The following NECTIN3 variants were observed in gnomAD, a reference collection of about 807,000 sequenced individuals.
The protein encoded by NECTIN3 is nectin cell adhesion molecule 3, also known as nectin-3.
A neutral mutation model predicts 49.4 loss-of-function variants in NECTIN3; 8 were observed. The observed-to-expected ratio is 0.16, with a 90% CI of 0.10 to 0.29. The LOEUF (loss-of-function observed/expected upper bound fraction) is 0.29, where lower values mean the gene tolerates loss of function less well. Ranked by LOEUF, NECTIN3 falls within the 10% of genes least tolerant of loss-of-function variation. The pLI is 1.00. For synonymous variants in NECTIN3, 277 were observed against 241.1 expected (o/e 1.15, Z -1.38); for missense variants, 581 against 654.6 (o/e 0.89, Z 1.23).
Position 111,072,716 on chromosome 3 carries a change from C to G in NECTIN3, c.160+539C>G, listed in dbSNP as rs1055830084. The G allele has an allele frequency of 1.3e-5, 11 of 820,490 alleles. No individual in the cohort carries two copies. The South Asian group carries it at 1.9e-4, about 14-fold the overall frequency. 50.8% of individuals were successfully genotyped at this position (820,490 alleles called of 1,614,324 possible). A position where few individuals can be genotyped will look rare whatever the true frequency, so the allele number is the denominator to read the frequency against. ...CTAGTTTTCTTCTGTCTTGTGCCCA[C>G]TCCCCCGGCTCTGCCCTGACAGCTT... On this transcript the variant is annotated intron_variant, in intron 1 of 5. Transcript: ENST00000485303.
In NECTIN3 at chr3:111,135,312, C is replaced by T. The variant is rs114068018; in HGVS notation, c.*1097C>T. On this transcript the variant is annotated 3_prime_UTR_variant, in exon 6 of 6. Coordinates refer to ENST00000485303, the MANE Select transcript of NECTIN3 (RefSeq NM_015480.3). ...CTTGCTAATGGACATTGGCATTCAT[C>T]TCCTTTTTCCTCCTAAGTGTATGTA... The T allele has an allele frequency of 3.8e-4, 365 of 950,002 alleles. 2 individuals are homozygous for T. The African/African-American group carries it at 6.1e-3, about 16-fold the overall frequency. The allele number at this position is 950,002 out of a possible 1,614,324, so 58.8% of individuals were successfully genotyped here.
downstream of NECTIN3, among the ~76,000 whole-genome samples, chr3:111,138,074 C>T (rs2034644296): frequency 6.6e-6 from 1 of 151,450 alleles, no homozygotes; most frequent in Non-Finnish European, 1.5e-5. Context: ...TATATATTGG[C>T]TTTCAATTTG....
chr3:111,171,766 TA>T (rs1188211476), intron 7 of NECTIN3, among the ~76,000 whole-genome samples: 2,855 of 148,624 alleles, frequency 0.019, 89 homozygotes, highest in African/African-American at 0.065. Context: ...CCTGGTAAGT[TA>T]AAAAAAAAAA....
chr3:111,127,896 A>G (rs923719344), intron 5 of NECTIN3, among the ~76,000 whole-genome samples: 2 of 152,162 alleles, frequency 1.3e-5, no homozygotes, highest in Admixed American at 6.5e-5. Context: ...ACATATTAGT[A>G]TATTACTCTC....
In NECTIN3 at chr3:111,134,686, A is replaced by G. The variant is rs758944346; in HGVS notation, c.*471A>G. 22 of 850,020 alleles carry G rather than the reference A, an allele frequency of 2.6e-5. No homozygotes were observed. Among genetic ancestry groups the G allele is most frequent in the African/African-American group, 1.8e-5 (1 of 54,342 alleles). 52.7% of individuals were successfully genotyped at this position (850,020 alleles called of 1,614,324 possible). On this transcript the variant is annotated 3_prime_UTR_variant, in exon 6 of 6. Transcript: ENST00000485303. Reference sequence around the variant, plus strand: ...TATAAAACTAATTCAAGAAATATTTATATATATTTTTTAATATACAAAAAA... The same window carrying G: ...TATAAAACTAATTCAAGAAATATTTGTATATATTTTTTAATATACAAAAAA...
chr3:111,141,533 A>G (rs1056351853), downstream of NECTIN3, among the ~76,000 whole-genome samples: 1 of 151,708 alleles, frequency 6.6e-6, no homozygotes, highest in African/African-American at 2.4e-5. Flanking sequence ...TCTTATATTC[A>G]TTTTTTATTA....
intron 3 of NECTIN3, among the ~76,000 whole-genome samples, chr3:111,121,913 G>C (rs1391058992): frequency 6.6e-6 from 1 of 152,118 alleles, no homozygotes; most frequent in Admixed American, 6.5e-5. Context: ...AGAATTGCCT[G>C]TTTGGGGGGT....
intron 1 of NECTIN3, chr3:111,193,221 T>C (rs2035843652): frequency 6.5e-7 from 1 of 1,535,580 alleles, no homozygotes; most frequent in Admixed American, 2.0e-5. Flanking sequence ...TAGCAGGAGT[T>C]TTGACTATGA....
At chr3:111,111,899 A>ATGTGTGTGTGTGTG in intron 1 of NECTIN3, 131 bp from the exon 2 acceptor site, 2 of 579,968 alleles carry the variant, frequency 3.4e-6, no homozygotes, top group Admixed American at 3.1e-5. Flanking sequence ...GTGTGTGTGC[A>ATGTGTGTGTGTGTG]TGTGTGTGTG....
chr3:111,105,259 C>T (rs2033127479), intron 1 of NECTIN3, among the ~76,000 whole-genome samples: 1 of 151,954 alleles, frequency 6.6e-6, no homozygotes, highest in South Asian at 2.1e-4. Context: ...ACTCCCACCT[C>T]AGCCTCCTGA....
Position 111,100,825 on chromosome 3 carries a change from T to TA in NECTIN3, c.161-11204dup, listed in dbSNP as rs372318951. Among the ~76,000 whole-genome samples the TA allele has an allele frequency of 1.4e-3, 214 of 151,298 alleles. 2 individuals are homozygous for TA. The highest frequency in any genetic ancestry group is 5.2e-3 in the African/African-American group (210 of 40,682). ...GAAAGAGTAGAATCTGAATAATTGT[T>TA]ATGAAAACTCTGTCTCTGCATTTTG... On this transcript the variant is annotated intron_variant, in intron 1 of 5. Transcript: ENST00000485303.
At chr3:111,174,807 C>T (rs2035496578) in intron 7 of NECTIN3, among the ~76,000 whole-genome samples, 1 of 152,072 alleles carries the variant, frequency 6.6e-6, no homozygotes, top group African/African-American at 2.4e-5. Flanking sequence ...CCCTTTTAGC[C>T]CTGCTGTCTG....
chr3:111,162,458 A>T (rs912088553), intron 7 of NECTIN3, among the ~76,000 whole-genome samples: 2 of 152,092 alleles, frequency 1.3e-5, no homozygotes, highest in Non-Finnish European at 2.9e-5. Context: ...GTGAAGAAGG[A>T]TGTGTTTGCT....
Position 111,088,776 on chromosome 3 carries a change from G to C in NECTIN3, c.160+16599G>C, listed in dbSNP as rs535605723. On this transcript the variant is annotated intron_variant, in intron 1 of 5. Transcript: ENST00000485303. ...CCACATATGTTTATGAATTGCATTG[G>C]CCCAAAATTTTTCTTTCTTAAAATG... Among the ~76,000 whole-genome samples, 6 of 152,154 alleles carry C rather than the reference G, an allele frequency of 3.9e-5. No individual in the cohort carries two copies. In the South Asian group the frequency reaches 1.2e-3, roughly 32 times the overall value.
At chr3:111,154,444 CA>C (rs1398898808) in intron 7 of NECTIN3, among the ~76,000 whole-genome samples, 8 of 152,076 alleles carry the variant, frequency 5.3e-5, no homozygotes, top group African/African-American at 1.9e-4. Context: ...CTATTACAAA[CA>C]AAGTTGCTAT....
chr3:111,099,661 C>CAA (rs1010890009), intron 1 of NECTIN3, among the ~76,000 whole-genome samples: 1 of 152,108 alleles, frequency 6.6e-6, no homozygotes, highest in Non-Finnish European at 1.5e-5. Context: ...CTACGTGTCT[C>CAA]AAACAAAAAT....
In NECTIN3 at chr3:111,161,247, T is replaced by C. The variant is rs144656991; in HGVS notation, c.1221+13763T>C. ...ACAGAAATTGCTCTCTCAGGGTTAG[T>C]CTGGCACCACATCCACCTTGTTTCT... is the stretch of plus-strand genomic sequence containing the variant. On this transcript the variant is annotated intron_variant, in intron 7 of 8. Transcript: ENST00000493615. 6.0e-3 allele frequency among the ~76,000 whole-genome samples: 912 copies of C among 152,324 alleles called. 7 individuals carry two copies. Among genetic ancestry groups the C allele is most frequent in the African/African-American group, 0.021 (854 of 41,558 alleles).
At chr3:111,157,156 A>G (rs1176750264) in intron 7 of NECTIN3, among the ~76,000 whole-genome samples, 1 of 152,156 alleles carries the variant, frequency 6.6e-6, no homozygotes, top group Non-Finnish European at 1.5e-5. Context: ...GAGGGGACCT[A>G]TCTGGAGTGG....
chr3:111,188,808 A>G (rs2035765084), upstream of NECTIN3, among the ~76,000 whole-genome samples: 1 of 152,234 alleles, frequency 6.6e-6, no homozygotes, highest in Admixed American at 6.5e-5. Flanking sequence ...CAGGGTGTTC[A>G]GCAAAGTGTG....
Sources: allele counts gnomAD v4.1 joint callset (sites outside exome capture counted in the v4.1 genomes callset), GRCh38; gene constraint gnomAD v4.1.1; transcripts MANE v1.5; gene names NCBI Gene and HGNC (gene_info 2026-07-23, HGNC 2026-07-21).